CNTN5: variants seen among roughly 807,000 people sequenced by gnomAD.
The protein encoded by CNTN5 is contactin-5.
CNTN5 carries 77 observed loss-of-function variants against 129.1 expected under a neutral mutation model. The ratio of observed to expected loss-of-function variants is 0.60; its 90% CI spans 0.50 to 0.72. The LOEUF (loss-of-function observed/expected upper bound fraction) is 0.72. Among genes scored for constraint, CNTN5 ranks in the 30% least tolerant of loss-of-function variants. CNTN5 has a pLI of 0.00. For missense variants in CNTN5, 1,478 were observed against 1,328.8 expected (o/e 1.11, Z -1.75); for synonymous variants, 509 against 465.6 (o/e 1.09, Z -1.20).
At chr11:99,387,643 T>G (rs927877824) in intron 2 of CNTN5, among the ~76,000 whole-genome samples, 1 of 147,248 alleles carries the variant, frequency 6.8e-6, no homozygotes. Flanking sequence ...CAAAGGAAGT[T>G]TCTGTCTCCT....
intron 21 of CNTN5, among the ~76,000 whole-genome samples, chr11:100,315,721 A>G (rs1016828444): frequency 6.6e-6 from 1 of 152,204 alleles, no homozygotes; most frequent in Non-Finnish European, 1.5e-5. Flanking sequence ...AAATGTAGAC[A>G]TTAATCCATC....
At chr11:100,350,272 G>T (rs1276487671) in intron 23 of CNTN5, among the ~76,000 whole-genome samples, 1 of 151,584 alleles carries the variant, frequency 6.6e-6, no homozygotes, top group East Asian at 1.9e-4. Flanking sequence ...GACTCTCCAT[G>T]ATCTGCCTCC....
intron 1 of CNTN5, among the ~76,000 whole-genome samples, chr11:99,128,072 A>C (rs577947882): frequency 6.6e-6 from 1 of 152,332 alleles, no homozygotes; most frequent in South Asian, 2.1e-4. Flanking sequence ...TAACATTAAA[A>C]GAAATATAAA....
At chr11:99,141,878 T>C (rs1859532057) in intron 1 of CNTN5, among the ~76,000 whole-genome samples, 1 of 152,208 alleles carries the variant, frequency 6.6e-6, no homozygotes, top group South Asian at 2.1e-4. Flanking sequence ...ATGATTTCGA[T>C]TTCTTTGAAT....
chr11:99,692,482 C>T (rs1206403057), intron 3 of CNTN5, among the ~76,000 whole-genome samples: 1 of 152,096 alleles, frequency 6.6e-6, no homozygotes, highest in Non-Finnish European at 1.5e-5. Flanking sequence ...ATTTCTCCTT[C>T]ACTTACAAAG....
At chr11:99,580,925 G>A (rs1359047019) in intron 3 of CNTN5, among the ~76,000 whole-genome samples, 1 of 144,298 alleles carries the variant, frequency 6.9e-6, no homozygotes, top group Non-Finnish European at 1.5e-5. Flanking sequence ...TGTGATGTTA[G>A]GGTGTCAATT....
rs993151093 is a variant in CNTN5, at chr11:99,030,175, T to C, written c.-210+8905T>C. 5.3e-5 allele frequency among the ~76,000 whole-genome samples: 8 copies of C among 152,188 alleles called. 1 individual carries two copies. Among genetic ancestry groups the C allele is most frequent in the Admixed American group, 5.2e-4 (8 of 15,278 alleles). On this transcript the variant is annotated intron_variant, in intron 1 of 24. Transcript: ENST00000524871. ...ATTTCTTTCCCTGTAAAAGATGATA[T>C]TGACTACTAACTCATAGTTTTTTTT...
chr11:99,200,943 T>A (rs1478647386), intron 1 of CNTN5, among the ~76,000 whole-genome samples: 1 of 151,352 alleles, frequency 6.6e-6, no homozygotes, highest in Non-Finnish European at 1.5e-5. Context: ...ATGCAAACCC[T>A]CGTGTTTAAC....
At chr11:99,717,108 C>G (rs566879919) in intron 3 of CNTN5, among the ~76,000 whole-genome samples, 2 of 151,878 alleles carry the variant, frequency 1.3e-5, no homozygotes, top group Non-Finnish European at 2.9e-5. Context: ...ATTGTATATA[C>G]AGTATATTTT....
intron 13 of CNTN5, among the ~76,000 whole-genome samples, chr11:100,151,724 T>C (rs944281471): frequency 6.6e-6 from 1 of 152,182 alleles, no homozygotes; most frequent in African/African-American, 2.4e-5. Flanking sequence ...ATAGATATGC[T>C]TTTCCTCAGC....
chr11:99,917,652 G>T (rs2136018752), intron 7 of CNTN5, among the ~76,000 whole-genome samples: 1 of 152,210 alleles, frequency 6.6e-6, no homozygotes, highest in Non-Finnish European at 1.5e-5. Context: ...GATTTTCTGA[G>T]ATATGATCTT....
chr11:99,244,126 C>T (rs1861704684), intron 1 of CNTN5, among the ~76,000 whole-genome samples: 2 of 152,036 alleles, frequency 1.3e-5, no homozygotes, highest in Admixed American at 1.3e-4. Flanking sequence ...TTGTTTGTGT[C>T]ACCTATTATT....
Position 99,483,574 on chromosome 11 carries a change from A to C in CNTN5, c.-70-72571A>C, listed in dbSNP as rs1396113014. Among the ~76,000 whole-genome samples the C allele has an allele frequency of 2.0e-5, 3 of 152,054 alleles. No individual in the cohort carries two copies. In the East Asian group the frequency reaches 5.8e-4, roughly 29 times the overall value. ...TTTTCAGGTGTTTGTATCTATTAGG[A>C]GCCTCCCTGGTGCCAGCTGTGACCA... is the stretch of plus-strand genomic sequence containing the variant. On this transcript the variant is annotated intron_variant, in intron 2 of 24. Coordinates refer to ENST00000524871, the MANE Select transcript of CNTN5 (RefSeq NM_014361.4).
At chr11:99,191,104 C>G (rs548099788) in intron 1 of CNTN5, among the ~76,000 whole-genome samples, 1 of 151,544 alleles carries the variant, frequency 6.6e-6, no homozygotes, top group African/African-American at 2.4e-5. Flanking sequence ...ATAAACATAT[C>G]TTTTTGTTTC....
At chr11:99,354,684 C>A (rs1317509662) in intron 2 of CNTN5, among the ~76,000 whole-genome samples, 2 of 152,154 alleles carry the variant, frequency 1.3e-5, no homozygotes, top group Non-Finnish European at 2.9e-5. Flanking sequence ...ATACTCCAAA[C>A]CCCATGATCT....
chr11:99,345,436 A>G lies in CNTN5; in HGVS notation c.-71+19952A>G, dbSNP rs546199509. 2.6e-5 allele frequency among the ~76,000 whole-genome samples: 4 copies of G among 152,290 alleles called. No homozygotes were observed. The East Asian group carries it at 7.7e-4, about 29-fold the overall frequency. ...GGCATCTTAAAGGCAACTTAAAATA[A>G]ATATATCCAAACCAAAACTTATGCC... On this transcript the variant is annotated intron_variant, in intron 2 of 24. Coordinates refer to ENST00000524871, the MANE Select transcript of CNTN5 (RefSeq NM_014361.4).
chr11:100,188,787 A>G (rs1948381344), intron 13 of CNTN5, among the ~76,000 whole-genome samples: 1 of 152,220 alleles, frequency 6.6e-6, no homozygotes, highest in South Asian at 2.1e-4. Flanking sequence ...TCATATGTTC[A>G]TTGTAGCACT....
intron 18 of CNTN5, among the ~76,000 whole-genome samples, chr11:100,277,052 C>G (rs1950528646): frequency 6.6e-6 from 1 of 152,042 alleles, no homozygotes; most frequent in South Asian, 2.1e-4. Context: ...TTAGCTCTTA[C>G]CAATGAGTGA....
chr11:100,027,467 A>G (rs1941483244), intron 9 of CNTN5, among the ~76,000 whole-genome samples: 1 of 152,156 alleles, frequency 6.6e-6, no homozygotes, highest in Admixed American at 6.6e-5. Flanking sequence ...GATATTTTCC[A>G]CATGGATGTT....
Sources: gnomAD v4.1 joint callset for allele counts (sites outside exome capture counted in the v4.1 genomes callset) on GRCh38, gnomAD v4.1.1 for gene constraint, MANE v1.5 for transcripts, NCBI Gene and HGNC (gene_info 2026-07-23, HGNC 2026-07-21) for gene names.